Variants in TSPAN14 observed in about 807,000 individuals in gnomAD.
TSPAN14 encodes the protein tetraspanin-14.
A neutral mutation model predicts 36.6 loss-of-function variants in TSPAN14; 16 were observed. That is an observed-to-expected ratio of 0.44 (90% confidence interval 0.30 to 0.66). The LOEUF is 0.66. Among genes scored for constraint, TSPAN14 ranks in the 30% least tolerant of loss-of-function variants. The probability of loss-of-function intolerance (pLI) is 0.12; values close to 1 mark genes in which losing one functional copy is unlikely to be tolerated. For synonymous variants in TSPAN14, 139 were observed against 143.8 expected, an observed-to-expected ratio of 0.97 and a Z score of 0.24; for missense variants, 231 against 355.1, an observed-to-expected ratio of 0.65 and a Z score of 2.81.
chr10:80,464,156 C>A (rs186354176), intron 1 of TSPAN14, among the ~76,000 whole-genome samples: 1 of 152,118 alleles, frequency 6.6e-6, no homozygotes, highest in Non-Finnish European at 1.5e-5. Flanking sequence ...CTGGAGCTGG[C>A]GTCAGCTTTT....
At chr10:80,466,734 G>A (rs954319240) in intron 1 of TSPAN14, among the ~76,000 whole-genome samples, 2 of 152,174 alleles carry the variant, frequency 1.3e-5, no homozygotes, top group Non-Finnish European at 2.9e-5. Context: ...GAGTGTCTGC[G>A]TCCTGGGAAA....
intron 2 of TSPAN14, among the ~76,000 whole-genome samples, chr10:80,492,444 G>T (rs1228827962): frequency 6.6e-6 from 1 of 152,180 alleles, no homozygotes. Context: ...TGTGCAGAAG[G>T]CAACTTGTTG....
chr10:80,455,424 T>C (rs1845691921), intron 1 of TSPAN14, among the ~76,000 whole-genome samples: 1 of 152,086 alleles, frequency 6.6e-6, no homozygotes, highest in Non-Finnish European at 1.5e-5. Context: ...GCAGGTGTGC[T>C]CTTGGCAGTG....
At chr10:80,491,157 T>C (rs753611808) in intron 2 of TSPAN14, among the ~76,000 whole-genome samples, 3 of 152,214 alleles carry the variant, frequency 2.0e-5, no homozygotes, top group Non-Finnish European at 4.4e-5. Flanking sequence ...GCTTGGTCTT[T>C]TAGCCCACAT....
intron 5 of TSPAN14, among the ~76,000 whole-genome samples, chr10:80,511,754 CTCTCTCTCTCTCTCTCT>C (rs1564745225): frequency 4.2e-5 from 6 of 142,438 alleles, no homozygotes; most frequent in African/African-American, 1.1e-4. Flanking sequence ...CTCTCTCTCT[CTCTCTCTCTCTCTCTCT>C]CCCCTTTTTT....
chr10:80,464,087 A>G (rs1326067129), intron 1 of TSPAN14, among the ~76,000 whole-genome samples: 3 of 152,140 alleles, frequency 2.0e-5, no homozygotes, highest in African/African-American at 7.2e-5. Flanking sequence ...GGTTCCAGCA[A>G]CCTCACGACT....
At chr10:80,504,393 C>T (rs908853807) in intron 2 of TSPAN14, among the ~76,000 whole-genome samples, 2 of 152,188 alleles carry the variant, frequency 1.3e-5, no homozygotes, top group African/African-American at 4.8e-5. Flanking sequence ...TCGTATACAC[C>T]AGATAGTGCA....
intron 1 of TSPAN14, among the ~76,000 whole-genome samples, chr10:80,457,036 T>C (rs1434036238): frequency 1.3e-5 from 2 of 151,542 alleles, no homozygotes; most frequent in African/African-American, 4.8e-5. Flanking sequence ...CACTCCAGCC[T>C]GGGCAACAAG....
intron 1 of TSPAN14, among the ~76,000 whole-genome samples, chr10:80,472,193 CT>C (rs202024572): frequency 2.0e-5 from 3 of 151,382 alleles, no homozygotes; most frequent in Non-Finnish European, 4.4e-5. Flanking sequence ...GTTTTGTTTG[CT>C]TTTTTTTTGT....
intron 2 of TSPAN14, among the ~76,000 whole-genome samples, chr10:80,501,978 G>C (rs78526692): frequency 0.015 from 2,230 of 152,300 alleles, 61 homozygotes; most frequent in African/African-American, 0.051. Context: ...ACACAATAGA[G>C]AGACAGCCCC....
At chr10:80,461,519 AGTG>A (rs1028202342) in intron 1 of TSPAN14, among the ~76,000 whole-genome samples, 2 of 152,154 alleles carry the variant, frequency 1.3e-5, no homozygotes, top group African/African-American at 4.8e-5. Context: ...AGTTGGTGGT[AGTG>A]GTGGGGGATT....
chr10:80,503,816 G>A (rs181865432), intron 2 of TSPAN14, among the ~76,000 whole-genome samples: 95 of 152,268 alleles, frequency 6.2e-4, no homozygotes, highest in African/African-American at 2.2e-3. Context: ...GCGTGGTCCT[G>A]TTATTTATCG....
intron 1 of TSPAN14, chr10:80,459,579 G>A (rs1845878888): frequency 6.5e-6 from 1 of 153,062 alleles, no homozygotes; most frequent in African/African-American, 2.4e-5. Flanking sequence ...GGGCTGTCCT[G>A]CATGGGTAAG....
At chr10:80,455,480 C>T (rs1845694795) in intron 1 of TSPAN14, among the ~76,000 whole-genome samples, 2 of 152,126 alleles carry the variant, frequency 1.3e-5, no homozygotes, top group South Asian at 2.1e-4. Context: ...GGGAGTTGCT[C>T]TTGGGCTAGT....
At chr10:80,481,685 G>A (rs1399745542) in intron 1 of TSPAN14, among the ~76,000 whole-genome samples, 1 of 152,194 alleles carries the variant, frequency 6.6e-6, no homozygotes, top group Admixed American at 6.5e-5. Flanking sequence ...ATACAAAATG[G>A]CGCGATCTCG....
At chr10:80,473,937 C>T (rs534481487) in intron 1 of TSPAN14, among the ~76,000 whole-genome samples, 1 of 152,026 alleles carries the variant, frequency 6.6e-6, no homozygotes, top group Non-Finnish European at 1.5e-5. Context: ...CTGCCCTGGC[C>T]TGCCTTAGTG....
In TSPAN14 at chr10:80,509,551, G is replaced by C. The variant is rs946268191; in HGVS notation, c.450+80G>C. On this transcript the variant is annotated intron_variant, in intron 5 of 8. Coordinates refer to ENST00000429989, the Ensembl canonical transcript of TSPAN14. This position sits in a 1 kb window ranked among gnomAD's most constrained non-coding sequence, Gnocchi z 4.7. ...GGAGCTGAGTCTAGCAGGGGCATCA[G>C]GCCTTCTCTGTGGGTTGTCTGCCTG... 64 of 1,479,956 alleles carry C rather than the reference G, an allele frequency of 4.3e-5. No homozygotes were observed. The highest frequency in any genetic ancestry group is 5.3e-5 in the Non-Finnish European group (58 of 1,090,512). 91.7% of individuals were successfully genotyped at this position (1,479,956 alleles called of 1,614,324 possible). A position where few individuals can be genotyped will look rare whatever the true frequency, so the allele number is the denominator to read the frequency against.
At chr10:80,515,119 C>T (rs1481076272) in intron 7 of TSPAN14, among the ~76,000 whole-genome samples, 1 of 152,226 alleles carries the variant, frequency 6.6e-6, no homozygotes, top group African/African-American at 2.4e-5. Context: ...CCTATATCAA[C>T]ATCAGCTTCC....
At chr10:80,514,560 C>A (rs1736248721) in intron 7 of TSPAN14, among the ~76,000 whole-genome samples, 1 of 152,002 alleles carries the variant, frequency 6.6e-6, no homozygotes, top group African/African-American at 2.4e-5. Flanking sequence ...GAAGGAAGAC[C>A]CCACCCCACT....
Sources: allele counts gnomAD v4.1 joint callset (sites outside exome capture counted in the v4.1 genomes callset), GRCh38; gene constraint gnomAD v4.1.1; non-coding constraint Gnocchi (gnomAD v3.1); transcripts MANE v1.5; gene names NCBI Gene and HGNC (gene_info 2026-07-23, HGNC 2026-07-21).